IPO8: variants seen among roughly 807,000 people sequenced by gnomAD.
IPO8 encodes the protein importin 8, also known as importin-8.
Under a neutral mutation model 141.2 loss-of-function variants are expected in IPO8, and 65 were observed. The ratio of observed to expected loss-of-function variants is 0.46; its 90% CI spans 0.38 to 0.57. The LOEUF (loss-of-function observed/expected upper bound fraction) is 0.57, where lower values mean the gene tolerates loss of function less well. Among genes scored for constraint, IPO8 ranks in the 20% least tolerant of loss-of-function variants. The pLI is 0.00. For synonymous variants in IPO8, 411 were observed against 420.3 expected (o/e 0.98, Z 0.27); for missense variants, 980 against 1,246.8 (o/e 0.79, Z 3.22).
intron 2 of IPO8, chr12:30,688,497 CA>C: frequency 2.7e-6 from 1 of 368,612 alleles, no homozygotes. Context: ...TCTTTTAAAG[CA>C]AAAATCACAA....
rs2053227928 is a variant in IPO8, at chr12:30,685,200, C to G, written c.167-743G>C. On this transcript the variant is annotated intron_variant, in intron 2 of 24. Coordinates refer to ENST00000256079, the MANE Select transcript of IPO8 (RefSeq NM_006390.4). Reference sequence around the variant, plus strand: ...TGTCATCCAGGCTAGAGTGCAGTGGCAAGATCTTGGCTCACTGCAACCTCT... The same window carrying G: ...TGTCATCCAGGCTAGAGTGCAGTGGGAAGATCTTGGCTCACTGCAACCTCT... 3.3e-5 allele frequency among the ~76,000 whole-genome samples: 5 copies of G among 151,112 alleles called. No homozygotes were observed. The South Asian group carries it at 1.0e-3, about 31-fold the overall frequency.
Position 30,695,418 on chromosome 12 carries a change from A to G in IPO8, c.84+146T>C. The G allele has an allele frequency of 4.6e-6, 3 of 649,314 alleles. No homozygotes were observed. The highest frequency in any genetic ancestry group is 2.8e-5 in the Admixed American group (1 of 35,094). The allele number at this position is 649,314 out of a possible 1,614,324, so 40.2% of individuals were successfully genotyped here. Reference sequence around the variant, plus strand: ...GCCCTGCTCCACTGGACCGGGGGGCAGCGGGGTCGGAGAGCGGGACCAGCC... The same window carrying G: ...GCCCTGCTCCACTGGACCGGGGGGCGGCGGGGTCGGAGAGCGGGACCAGCC... On this transcript the variant is annotated intron_variant, in intron 1 of 24. Coordinates refer to ENST00000256079, the MANE Select transcript of IPO8 (RefSeq NM_006390.4). The surrounding 1 kb of genome is among the most constrained non-coding windows in gnomAD (Gnocchi z 4.2).
chr12:30,653,121 T>A (rs764571798), intron 17 of IPO8, 29 bp from the exon 18 acceptor site: 22 of 1,597,802 alleles, frequency 1.4e-5, no homozygotes, highest in Non-Finnish European at 1.8e-5. Context: ...CTAGTTAGAA[T>A]GCTAGGAAAT....
intron 20 of IPO8, 31 bp from the exon 21 acceptor site, chr12:30,639,766 AC>A (rs2052552408): frequency 1.3e-6 from 2 of 1,530,554 alleles, no homozygotes; most frequent in African/African-American, 2.7e-5. Context: ...AGTCAACCAC[AC>A]AGACAGCCCA....
At chr12:30,632,999 G>A (rs984229834) in intron 23 of IPO8, among the ~76,000 whole-genome samples, 6 of 152,162 alleles carry the variant, frequency 3.9e-5, no homozygotes, top group African/African-American at 1.4e-4. Context: ...TCCTACTCAA[G>A]ACCTAAAAGC....
intron 1 of IPO8, among the ~76,000 whole-genome samples, chr12:30,692,175 T>C (rs759982811): frequency 2.6e-5 from 4 of 152,256 alleles, no homozygotes; most frequent in Admixed American, 6.5e-5. Flanking sequence ...ATAAAAAAAC[T>C]GACTTCCGTT....
At chr12:30,658,663 T>C (rs182628380) in intron 16 of IPO8, among the ~76,000 whole-genome samples, 1 of 152,194 alleles carries the variant, frequency 6.6e-6, no homozygotes, top group Admixed American at 6.5e-5. Flanking sequence ...TAAGGTGATT[T>C]CTAAGGTCTC....
chr12:30,641,493 C>A (rs1023055182), intron 20 of IPO8, among the ~76,000 whole-genome samples: 2 of 135,054 alleles, frequency 1.5e-5, no homozygotes, highest in Non-Finnish European at 1.6e-5. Flanking sequence ...TAAGCTATTT[C>A]TTTTTTTTTT....
At chr12:30,637,774 A>G (rs540501313) in intron 21 of IPO8, among the ~76,000 whole-genome samples, 105 of 152,360 alleles carry the variant, frequency 6.9e-4, no homozygotes, top group African/African-American at 2.2e-3. Context: ...ACCAGTAAAC[A>G]TTAGACATTT....
chr12:30,688,604 T>C (rs2053264483), intron 2 of IPO8: 1 of 169,706 alleles, frequency 5.9e-6, no homozygotes, highest in Admixed American at 6.4e-5. Flanking sequence ...GAACAGAAAA[T>C]TTATAAATAC....
At chr12:30,647,603 C>CAAAAAAAAAAA (rs34098076) in intron 20 of IPO8, among the ~76,000 whole-genome samples, 1 of 40,788 alleles carries the variant, frequency 2.5e-5, no homozygotes, top group Non-Finnish European at 4.2e-5. Flanking sequence ...AGACCGTCTC[C>CAAAAAAAAAAA]AAAAAAAAAA....
chr12:30,681,902 T>A, intron 3 of IPO8, 85 bp from the exon 4 acceptor site: 11 of 1,149,346 alleles, frequency 9.6e-6, no homozygotes, highest in Non-Finnish European at 1.3e-5. Context: ...CATAAAAGTT[T>A]GTTATCTTCT....
intron 22 of IPO8, among the ~76,000 whole-genome samples, chr12:30,636,459 T>C (rs930883998): frequency 1.3e-5 from 2 of 152,176 alleles, no homozygotes; most frequent in Admixed American, 1.3e-4. Context: ...ACTTCATTTA[T>C]GTACTTTACC....
At chr12:30,640,711 T>A (rs1183781894) in intron 20 of IPO8, among the ~76,000 whole-genome samples, 1 of 152,198 alleles carries the variant, frequency 6.6e-6, no homozygotes, top group African/African-American at 2.4e-5. Context: ...TAAATTAAGT[T>A]TGAAAAGCTC....
chr12:30,659,504 C>CA (rs111943394), intron 16 of IPO8, among the ~76,000 whole-genome samples: 78,868 of 139,300 alleles, frequency 0.57, 21,611 homozygotes, highest in Middle Eastern at 0.64. Context: ...AACAAATAAA[C>CA]AAAAAAAAAA....
At chr12:30,639,840 G>T (rs1460774610) in intron 20 of IPO8, 105 bp from the exon 21 acceptor site, 1 of 739,658 alleles carries the variant, frequency 1.4e-6, no homozygotes, top group Non-Finnish European at 2.3e-6. Context: ...AGTCTTAATG[G>T]CAATGAGACT....
At chr12:30,654,381 T>G (rs2052770055) in intron 17 of IPO8, among the ~76,000 whole-genome samples, 1 of 150,980 alleles carries the variant, frequency 6.6e-6, no homozygotes, top group African/African-American at 2.4e-5. Flanking sequence ...CAAAATAGGA[T>G]TACATCAAAC....
rs183891305 is a variant in IPO8, at chr12:30,674,872, T to G, written c.730-119A>C. ...CATATTAAATGTGAAGTTAGATTGC[T>G]ATACAAATGAAAATTCTTTATAGAT... On this transcript the variant is annotated intron_variant, in intron 6 of 24. Coordinates refer to ENST00000256079, the MANE Select transcript of IPO8 (RefSeq NM_006390.4). The G allele has an allele frequency of 7.4e-4, 527 of 713,314 alleles. 4 individuals carry two copies. The East Asian group carries it at 0.012, about 17-fold the overall frequency. The allele number at this position is 713,314 out of a possible 1,614,324, so 44.2% of individuals were successfully genotyped here. A position where few individuals can be genotyped will look rare whatever the true frequency, so the allele number is the denominator to read the frequency against.
At chr12:30,663,202 G>A (rs755351940) in intron 14 of IPO8, among the ~76,000 whole-genome samples, 3 of 152,128 alleles carry the variant, frequency 2.0e-5, no homozygotes, top group Non-Finnish European at 4.4e-5. Context: ...CCTTGCCCAG[G>A]TTTCCATGGC....
Sources: allele counts gnomAD v4.1 joint callset (sites outside exome capture counted in the v4.1 genomes callset), GRCh38; gene constraint gnomAD v4.1.1; non-coding constraint Gnocchi (gnomAD v3.1); transcripts MANE v1.5; gene names NCBI Gene and HGNC (gene_info 2026-07-23, HGNC 2026-07-21).